The following SCAI variants were observed in gnomAD, a reference collection of about 807,000 sequenced individuals.
SCAI encodes the protein protein SCAI.
A neutral mutation model predicts 92.2 loss-of-function variants in SCAI; 24 were observed. The observed-to-expected ratio is 0.26, with a 90% CI of 0.19 to 0.37. The LOEUF is 0.37. SCAI is among the 10% of genes least tolerant of loss of function. SCAI has a pLI of 1.00. For missense variants in SCAI, 450 were observed against 736.2 expected, an observed-to-expected ratio of 0.61 and a Z score of 4.50; for synonymous variants, 261 against 258.6, an observed-to-expected ratio of 1.01 and a Z score of -0.09.
chr9:125,037,781 T>G (rs1773759000), intron 3 of SCAI, among the ~76,000 whole-genome samples: 1 of 152,040 alleles, frequency 6.6e-6, no homozygotes, highest in Non-Finnish European at 1.5e-5. Flanking sequence ...CTGGGTCTGG[T>G]GGCGAACGCC....
intron 3 of SCAI, among the ~76,000 whole-genome samples, chr9:125,053,885 T>C (rs1471551489): frequency 6.6e-6 from 1 of 152,178 alleles, no homozygotes; most frequent in Admixed American, 6.5e-5. Flanking sequence ...GTGTTTTAAG[T>C]TTGAGAGCCC....
intron 2 of SCAI, among the ~76,000 whole-genome samples, chr9:125,104,277 C>T (rs78635557): frequency 0.023 from 3,531 of 152,210 alleles, 144 homozygotes; most frequent in African/African-American, 0.081. Flanking sequence ...ATTGGAAAAA[C>T]GACAAAGGAG....
intron 14 of SCAI, among the ~76,000 whole-genome samples, chr9:124,979,303 G>A (rs1831829521): frequency 6.6e-6 from 1 of 151,908 alleles, no homozygotes; most frequent in Non-Finnish European, 1.5e-5. Flanking sequence ...ACTTTGAGAG[G>A]CCAAGGGCAG....
intron 3 of SCAI, among the ~76,000 whole-genome samples, chr9:125,034,065 G>T (rs1435821632): frequency 6.6e-6 from 1 of 152,174 alleles, no homozygotes; most frequent in Admixed American, 6.5e-5. Flanking sequence ...AAACCAACAA[G>T]GAACACTTTA....
At chr9:125,062,437 T>C (rs1412137871) in intron 2 of SCAI, among the ~76,000 whole-genome samples, 4 of 146,042 alleles carry the variant, frequency 2.7e-5, no homozygotes, top group Admixed American at 2.0e-4. Flanking sequence ...AGTCTCTATA[T>C]TAAAATTAAA....
At chr9:124,987,107 A>G (rs1158647693) in intron 14 of SCAI, among the ~76,000 whole-genome samples, 1 of 152,048 alleles carries the variant, frequency 6.6e-6, no homozygotes, top group Non-Finnish European at 1.5e-5. Flanking sequence ...ATCTCGGCTC[A>G]CTGCCTCCCA....
intron 17 of SCAI, among the ~76,000 whole-genome samples, chr9:124,963,757 CA>C (rs36017738): frequency 0.029 from 1,499 of 52,220 alleles, 9 homozygotes; most frequent in Admixed American, 0.11. Context: ...GAATCTGTCT[CA>C]AAAAAAAAAA....
chr9:124,959,894 C>T (rs1042385329), intron 17 of SCAI, among the ~76,000 whole-genome samples: 13 of 152,088 alleles, frequency 8.5e-5, no homozygotes, highest in Admixed American at 8.5e-4. Context: ...CATAGTATTC[C>T]ATGGTGTATA....
chr9:124,983,059 G>A (rs1371864932), intron 14 of SCAI, among the ~76,000 whole-genome samples: 1 of 151,652 alleles, frequency 6.6e-6, no homozygotes, highest in African/African-American at 2.4e-5. Context: ...GGCTGACATA[G>A]GAGGATCTCT....
intron 2 of SCAI, among the ~76,000 whole-genome samples, chr9:125,135,836 G>A (rs1049198356): frequency 1.3e-5 from 2 of 151,400 alleles, no homozygotes; most frequent in Non-Finnish European, 2.9e-5. Context: ...GGGTGTGGTG[G>A]CGCATGTCTG....
At chr9:125,037,242 C>T (rs956130716) in intron 3 of SCAI, among the ~76,000 whole-genome samples, 1 of 150,928 alleles carries the variant, frequency 6.6e-6, no homozygotes, top group Non-Finnish European at 1.5e-5. Context: ...GCACTCCAGG[C>T]CTGGGCAACA....
intron 3 of SCAI, among the ~76,000 whole-genome samples, chr9:125,031,999 C>T (rs917264695): frequency 2.6e-5 from 4 of 151,636 alleles, no homozygotes; most frequent in African/African-American, 7.3e-5. Context: ...ATCTGTCTAC[C>T]TTTGTTGTGC....
chr9:125,133,318 G>T (rs192918997), intron 2 of SCAI, among the ~76,000 whole-genome samples: 5 of 152,274 alleles, frequency 3.3e-5, no homozygotes, highest in African/African-American at 1.2e-4. Flanking sequence ...GAACCTGGGA[G>T]GCGGAGGGTG....
intron 2 of SCAI, among the ~76,000 whole-genome samples, chr9:125,076,777 C>A (rs1834099905): frequency 6.6e-6 from 1 of 152,088 alleles, no homozygotes; most frequent in African/African-American, 2.4e-5. Context: ...CAGCTCACTG[C>A]AACCCTCTGC....
intron 5 of SCAI, among the ~76,000 whole-genome samples, chr9:125,027,410 A>T (rs889284352): frequency 6.6e-6 from 1 of 152,250 alleles, no homozygotes; most frequent in African/African-American, 2.4e-5. Context: ...GGACTTTTTA[A>T]GAAAATATTC....
intron 2 of SCAI, among the ~76,000 whole-genome samples, chr9:125,102,603 C>CCCT (rs1564413971): frequency 1.3e-5 from 2 of 148,230 alleles, no homozygotes; most frequent in Non-Finnish European, 1.5e-5. Context: ...AACAAACCCA[C>CCCT]TTTTTTTTTT....
intron 3 of SCAI, among the ~76,000 whole-genome samples, chr9:125,045,832 T>C (rs1295726794): frequency 6.6e-6 from 1 of 152,192 alleles, no homozygotes; most frequent in Non-Finnish European, 1.5e-5. Context: ...GTTTTGAGGA[T>C]TTAATGAATT....
intron 2 of SCAI, among the ~76,000 whole-genome samples, chr9:125,129,820 G>A (rs933438989): frequency 6.6e-6 from 1 of 151,814 alleles, no homozygotes; most frequent in Non-Finnish European, 1.5e-5. Flanking sequence ...TCTAGATACC[G>A]ATTACTATGG....
At chr9:125,086,951 A>C (rs1051219728) in intron 2 of SCAI, among the ~76,000 whole-genome samples, 1 of 152,240 alleles carries the variant, frequency 6.6e-6, no homozygotes, top group African/African-American at 2.4e-5. Context: ...CATACATTAA[A>C]TGTTATGTAA....
Sources: gnomAD v4.1 joint callset for allele counts (sites outside exome capture counted in the v4.1 genomes callset) on GRCh38, gnomAD v4.1.1 for gene constraint, MANE v1.5 for transcripts, NCBI Gene and HGNC (gene_info 2026-07-23, HGNC 2026-07-21) for gene names.